Variants in PTPRC observed in about 807,000 individuals in gnomAD.
PTPRC encodes protein tyrosine phosphatase receptor type C, also known as receptor-type tyrosine-protein phosphatase C.
Under a neutral mutation model 155.9 loss-of-function variants are expected in PTPRC, and 44 were observed. The ratio of observed to expected loss-of-function variants is 0.28; its 90% confidence interval spans 0.22 to 0.36. The LOEUF is 0.36. Among genes scored for constraint, PTPRC ranks in the 10% least tolerant of loss-of-function variants. The pLI is 1.00. For synonymous variants in PTPRC, 525 were observed against 533.1 expected (o/e 0.98, Z 0.21); for missense variants, 1,401 against 1,564.6 (o/e 0.90, Z 1.76).
In PTPRC at chr1:198,732,464, T is replaced by A. The variant is rs747186388; in HGVS notation, c.2066-16T>A. The stretch of plus-strand genomic sequence containing the variant: ...ATTCACTATTTCACTTGTTTATTTT[T>A]CTTTTCCTTAAACAGATGATTATAA... On this transcript the variant is annotated splice_polypyrimidine_tract_variant and intron_variant, in intron 19 of 32. Transcript: ENST00000442510. 1.2e-6 allele frequency: 2 copies of A among 1,608,612 alleles called. No homozygotes were observed. Among genetic ancestry groups the A allele is most frequent in the Non-Finnish European group, 1.7e-6 (2 of 1,175,796 alleles).
At chr1:198,675,959 G>A (rs1479245393) in intron 2 of PTPRC, among the ~76,000 whole-genome samples, 6 of 152,116 alleles carry the variant, frequency 3.9e-5, no homozygotes, top group South Asian at 4.1e-4. Flanking sequence ...CCTCAAGATC[G>A]AAGCTCTGGA....
At chr1:198,716,871 T>C (rs368355436) in intron 13 of PTPRC, 31 bp downstream of exon 13, 4 of 1,606,774 alleles carry the variant, frequency 2.5e-6, no homozygotes, top group African/African-American at 2.7e-5. Context: ...CTTCTTTCCA[T>C]AAATGGTAAA....
intron 6 of PTPRC, 87 bp downstream of exon 6, chr1:198,702,617 C>T (rs1666520958): frequency 1.3e-6 from 2 of 1,533,988 alleles, no homozygotes; most frequent in African/African-American, 2.7e-5. Context: ...TTATTTTGTG[C>T]CAGATATTAT....
Position 198,756,428 on chromosome 1 carries a change from T to G in PTPRC, c.*247T>G. On this transcript the variant is annotated 3_prime_UTR_variant, in exon 33 of 33. Coordinates refer to ENST00000442510, the MANE Select transcript of PTPRC (RefSeq NM_002838.5). ...GTAAAAAACAACTTCTTTGTAATCGTTATGTGTGTATATGTATGTGTGTAT... is the reference window on the plus strand; with the variant it reads ...GTAAAAAACAACTTCTTTGTAATCGGTATGTGTGTATATGTATGTGTGTAT... The G allele has an allele frequency of 1.9e-6, 1 of 522,406 alleles. No individual in the cohort carries two copies. Among genetic ancestry groups the G allele is most frequent in the Non-Finnish European group, 3.4e-6 (1 of 293,126 alleles). The allele number at this position is 522,406 out of a possible 1,614,324, so 32.4% of individuals were successfully genotyped here.
At chr1:198,695,790 A>G (rs1212466455) in intron 3 of PTPRC, among the ~76,000 whole-genome samples, 1 of 152,104 alleles carries the variant, frequency 6.6e-6, no homozygotes, top group African/African-American at 2.4e-5. Flanking sequence ...TTGTTTGTAA[A>G]CCTAGTTGTG....
At chr1:198,722,367 A>T in intron 14 of PTPRC, 49 bp from the exon 15 acceptor site, 4 of 891,060 alleles carry the variant, frequency 4.5e-6, no homozygotes, top group Non-Finnish European at 4.8e-6. Context: ...TATATATATA[A>T]ATTCACATTA....
chr1:198,671,837 CTAGG>C (rs1664665402), intron 2 of PTPRC, among the ~76,000 whole-genome samples: 2 of 152,102 alleles, frequency 1.3e-5, no homozygotes, highest in Admixed American at 1.3e-4. Context: ...AAAGAACATG[CTAGG>C]AAGTCTGTAT....
chr1:198,715,184 G>T (rs906651336), intron 12 of PTPRC, among the ~76,000 whole-genome samples: 2 of 152,064 alleles, frequency 1.3e-5, no homozygotes, highest in African/African-American at 4.8e-5. Context: ...GTGCAGTCAT[G>T]CGATCTCGGC....
At chr1:198,704,709 T>C (rs997254864) in intron 8 of PTPRC, among the ~76,000 whole-genome samples, 1 of 152,082 alleles carries the variant, frequency 6.6e-6, no homozygotes. Context: ...ACAAGAGCGA[T>C]GATGGAGGGA....
At chr1:198,645,116 G>A (rs1421761426) in intron 2 of PTPRC, among the ~76,000 whole-genome samples, 1 of 151,710 alleles carries the variant, frequency 6.6e-6, no homozygotes, top group Non-Finnish European at 1.5e-5. Flanking sequence ...GGGTAACTCA[G>A]GTAACACACT....
Position 198,748,089 on chromosome 1 carries a change from G to GTTTTTTTTTTT in PTPRC, c.2848-14_2848-4dup. 9 of 1,473,246 alleles carry GTTTTTTTTTTT rather than the reference G, an allele frequency of 6.1e-6. 1 individual carries two copies. The highest frequency in any genetic ancestry group is 7.3e-6 in the Non-Finnish European group (8 of 1,096,952). 91.3% of individuals were successfully genotyped at this position (1,473,246 alleles called of 1,614,324 possible). On this transcript the variant is annotated intron_variant, in intron 26 of 32. Coordinates refer to ENST00000442510, the MANE Select transcript of PTPRC (RefSeq NM_002838.5). ...ATTTACATTTTAAAGGAGTTTTTCTGTTTTTTTTTTTTTTTTCAGAGACTT... is the reference window on the plus strand; with the variant it reads ...ATTTACATTTTAAAGGAGTTTTTCTGTTTTTTTTTTTTTTTTTTTTTTTTTTTCAGAGACTT...
chr1:198,728,456 T>C lies in PTPRC; in HGVS notation c.1829+8T>C. 1.2e-6 allele frequency: 2 copies of C among 1,611,206 alleles called. No homozygotes were observed. Among genetic ancestry groups the C allele is most frequent in the South Asian group, 1.1e-5 (1 of 90,990 alleles). On this transcript the variant is annotated splice_region_variant and intron_variant, in intron 16 of 32. Coordinates refer to ENST00000442510, the MANE Select transcript of PTPRC (RefSeq NM_002838.5). ...ACATAAGAAAAGATCCTGGTAAGAG[T>C]TGATTTTAAATTTTTAAATAATAAT...
intron 28 of PTPRC, 160 bp from the exon 29 acceptor site, chr1:198,750,332 T>C (rs1471656003): frequency 1.4e-6 from 1 of 720,230 alleles, no homozygotes; most frequent in African/African-American, 1.8e-5. Context: ...TTATTTTACA[T>C]ATAGCTATTA....
chr1:198,674,211 A>G (rs990728154), intron 2 of PTPRC, among the ~76,000 whole-genome samples: 8 of 152,142 alleles, frequency 5.3e-5, no homozygotes, highest in African/African-American at 1.2e-4. Flanking sequence ...GCGGCATCTG[A>G]TGCTCATCAC....
chr1:198,719,697 G>A (rs534953448), intron 14 of PTPRC, among the ~76,000 whole-genome samples: 11 of 151,746 alleles, frequency 7.2e-5, no homozygotes, highest in African/African-American at 2.2e-4. Context: ...TGCAACCTCC[G>A]CCTCCCGGGT....
intron 2 of PTPRC, among the ~76,000 whole-genome samples, chr1:198,688,235 A>T (rs926781550): frequency 1.3e-5 from 2 of 152,192 alleles, no homozygotes. Flanking sequence ...TCAGTGTACA[A>T]GCAAACACAT....
At position 198,741,424 on chromosome 1, in the gene PTPRC, A is replaced by T. The variant is rs534322786; in HGVS notation, c.2404-445A>T. 1.1e-4 allele frequency among the ~76,000 whole-genome samples: 16 copies of T among 151,986 alleles called. No homozygotes were observed. In the South Asian group the frequency reaches 3.3e-3, roughly 32 times the overall value. On this transcript the variant is annotated intron_variant, in intron 23 of 32. Coordinates refer to ENST00000442510, the MANE Select transcript of PTPRC (RefSeq NM_002838.5). ...ATGAATTAGTTCTGTTTGCTGGCCT[A>T]TCAAGCAGAAGTATTTTAAACAGTT...
At chr1:198,642,960 CTTTCTTTCTTT>C (rs1662712514) in intron 2 of PTPRC, among the ~76,000 whole-genome samples, 1 of 141,928 alleles carries the variant, frequency 7.0e-6, no homozygotes, top group East Asian at 2.0e-4. Context: ...TTCTTTCTTT[CTTTCTTTCTTT>C]TTTCTTTCTT....
Position 198,715,774 on chromosome 1 carries a change from GAAA to G in PTPRC, c.1292-907_1292-905del, listed in dbSNP as rs2102437052. Among the ~76,000 whole-genome samples the G allele has an allele frequency of 2.0e-5, 3 of 152,194 alleles. No individual in the cohort carries two copies. In the South Asian group the frequency reaches 6.2e-4, roughly 32 times the overall value. ...ATTAATTATTTCATGTATACCCCTT[GAAA>G]CAGTGCTTGGCACATACAGTGAGTT... On this transcript the variant is annotated intron_variant, in intron 12 of 32. Transcript: ENST00000442510.
Sources: gnomAD v4.1 joint callset for allele counts (sites outside exome capture counted in the v4.1 genomes callset) on GRCh38, gnomAD v4.1.1 for gene constraint, MANE v1.5 for transcripts, NCBI Gene and HGNC (gene_info 2026-07-23, HGNC 2026-07-21) for gene names.